The following GAP43 variants were observed in gnomAD, a reference collection of about 807,000 sequenced individuals.
GAP43 encodes growth associated protein 43.
GAP43 carries 6 observed loss-of-function variants against 18.6 expected under a neutral mutation model. The observed-to-expected ratio is 0.32, with a 90% CI of 0.18 to 0.64. GAP43 has a LOEUF of 0.64. Among genes scored for constraint, GAP43 ranks in the 30% least tolerant of loss-of-function variants. The pLI is 0.78. For missense variants in GAP43, 292 were observed against 295.5 expected (o/e 0.99, Z 0.09); for synonymous variants, 115 against 111.4 (o/e 1.03, Z -0.20).
In GAP43 at chr3:115,676,208, G is replaced by T. The variant is rs773812326; in HGVS notation, c.226G>T (p.Asp76Tyr). Residue 76 changes from aspartate to tyrosine, a missense_variant, in exon 2 of 3, where the codon GAT becomes TAT. Transcript: ENST00000305124. ...TAAGAAGGATGAAGCCCCTGTTGCC[G>T]ATGGGGTGGAGAAGAAGGGAGAAGG... ...ANKKDEAPVADGVEKKGEGTT... is the reference protein window; with the variant it reads ...ANKKDEAPVAYGVEKKGEGTT... The T allele has an allele frequency of 1.2e-6, 2 of 1,614,168 alleles. No homozygotes were observed. The highest frequency in any genetic ancestry group is 3.3e-5 in the Admixed American group (2 of 60,026).
intron 1 of GAP43, among the ~76,000 whole-genome samples, chr3:115,638,905 A>G (rs898032306): frequency 1.3e-5 from 2 of 152,088 alleles, no homozygotes; most frequent in African/African-American, 2.4e-5. Flanking sequence ...ACAACATTCA[A>G]TAGACTTTAT....
At chr3:115,628,389 C>G (rs1708218606) in intron 1 of GAP43, among the ~76,000 whole-genome samples, 1 of 152,056 alleles carries the variant, frequency 6.6e-6, no homozygotes, top group South Asian at 2.1e-4. Context: ...GTCCCCATCT[C>G]TATAGTTCTC....
At chr3:115,663,766 G>A in intron 1 of GAP43, 1 of 1,551,468 alleles carries the variant, frequency 6.4e-7, no homozygotes, top group Non-Finnish European at 8.7e-7. Flanking sequence ...GCCAGCATTG[G>A]CAGACACTGG....
At chr3:115,694,115 AG>A (rs1368032743) in intron 2 of GAP43, among the ~76,000 whole-genome samples, 16 of 152,080 alleles carry the variant, frequency 1.1e-4, no homozygotes, top group Admixed American at 1.0e-3. Flanking sequence ...CTTGCAGGGG[AG>A]GGGGGAGCAG....
intron 2 of GAP43, 29 bp from the exon 3 acceptor site, chr3:115,720,765 C>T (rs1559810149): frequency 6.6e-7 from 1 of 1,504,168 alleles, no homozygotes; most frequent in Non-Finnish European, 9.2e-7. Context: ...TCTCCTTTTC[C>T]CCCCATCCTA....
intron 2 of GAP43, among the ~76,000 whole-genome samples, chr3:115,701,182 G>A (rs977816968): frequency 3.9e-5 from 6 of 152,184 alleles, no homozygotes; most frequent in African/African-American, 1.4e-4. Flanking sequence ...TTTGGAAGAG[G>A]TCTACCTTGG....
chr3:115,669,630 T>G (rs1708785152), intron 1 of GAP43, among the ~76,000 whole-genome samples: 1 of 152,170 alleles, frequency 6.6e-6, no homozygotes, highest in Non-Finnish European at 1.5e-5. Flanking sequence ...AGAAAACAAC[T>G]TTTCAGACTG....
At chr3:115,629,961 A>G (rs1180258870) in intron 1 of GAP43, among the ~76,000 whole-genome samples, 1 of 152,214 alleles carries the variant, frequency 6.6e-6, no homozygotes, top group East Asian at 1.9e-4. Flanking sequence ...TAATAAAAGC[A>G]GCCACAAAAT....
chr3:115,655,309 C>A (rs1472084680), intron 1 of GAP43, among the ~76,000 whole-genome samples: 2 of 152,166 alleles, frequency 1.3e-5, no homozygotes, highest in Non-Finnish European at 2.9e-5. Flanking sequence ...GCCAATGTTA[C>A]CTTGGACACA....
intron 2 of GAP43, among the ~76,000 whole-genome samples, chr3:115,708,903 G>A (rs140119224): frequency 2.7e-5 from 4 of 149,706 alleles, no homozygotes; most frequent in East Asian, 2.0e-4. Flanking sequence ...TATTTGAGTG[G>A]CAAGTGAGGG....
At chr3:115,702,524 T>C (rs1478422180) in intron 2 of GAP43, among the ~76,000 whole-genome samples, 1 of 152,110 alleles carries the variant, frequency 6.6e-6, no homozygotes, top group Non-Finnish European at 1.5e-5. Flanking sequence ...TTTAAGAAGG[T>C]GTCAAAGCCA....
At chr3:115,684,451 G>T (rs2053191493) in intron 2 of GAP43, among the ~76,000 whole-genome samples, 1 of 152,142 alleles carries the variant, frequency 6.6e-6, no homozygotes, top group African/African-American at 2.4e-5. Flanking sequence ...CTGTATCCAT[G>T]CCTGTAGTAT....
chr3:115,663,941 A>C (rs1053090570), intron 1 of GAP43: 1 of 1,550,040 alleles, frequency 6.5e-7, no homozygotes, highest in South Asian at 1.2e-5. Context: ...CATGTAACCT[A>C]TACAAGTATT....
At chr3:115,710,197 A>G (rs1032253998) in intron 2 of GAP43, among the ~76,000 whole-genome samples, 4 of 152,156 alleles carry the variant, frequency 2.6e-5, no homozygotes, top group Admixed American at 6.5e-5. Context: ...AAGTTTCCCA[A>G]AAGTTTGCTT....
chr3:115,694,025 C>T (rs924904985), intron 2 of GAP43, among the ~76,000 whole-genome samples: 1 of 152,086 alleles, frequency 6.6e-6, no homozygotes, highest in Non-Finnish European at 1.5e-5. Context: ...ATTGCTGGCA[C>T]GTGCCCGGTG....
intron 2 of GAP43, among the ~76,000 whole-genome samples, chr3:115,682,110 T>G (rs1196834985): frequency 2.6e-5 from 4 of 152,226 alleles, no homozygotes; most frequent in African/African-American, 9.6e-5. Context: ...TAGTAACTAC[T>G]ATAATTCCTG....
At chr3:115,638,741 C>A (rs1466098332) in intron 1 of GAP43, among the ~76,000 whole-genome samples, 1 of 151,814 alleles carries the variant, frequency 6.6e-6, no homozygotes, top group Non-Finnish European at 1.5e-5. Context: ...CCTTCCTCTC[C>A]TTTTCTACAT....
Position 115,630,872 on chromosome 3 carries a change from A to G in GAP43, c.30+7153A>G, listed in dbSNP as rs1708252521. On this transcript the variant is annotated intron_variant, in intron 1 of 2. Transcript: ENST00000305124. ...TTTCTAAAAAGTACTTATAGACAAA[A>G]CAGGTATTTTAAGCTATGTCTGGCA... Among the ~76,000 whole-genome samples the G allele has an allele frequency of 2.0e-5, 3 of 152,226 alleles. 1 individual carries two copies. The highest frequency in any genetic ancestry group is 2.0e-4 in the Admixed American group (3 of 15,268).
chr3:115,648,549 A>G (rs768918298), intron 1 of GAP43, among the ~76,000 whole-genome samples: 1 of 152,182 alleles, frequency 6.6e-6, no homozygotes, highest in Non-Finnish European at 1.5e-5. Flanking sequence ...TGATTTGGTG[A>G]GGAAGACAAT....
Sources: gnomAD v4.1 joint callset for allele counts (sites outside exome capture counted in the v4.1 genomes callset) on GRCh38, gnomAD v4.1.1 for gene constraint, MANE v1.5 for transcripts, NCBI Gene and HGNC (gene_info 2026-07-23, HGNC 2026-07-21) for gene names.